Variants in MARCHF1 observed in about 807,000 individuals in gnomAD.
MARCHF1 encodes the protein membrane associated ring-CH-type finger 1, also known as E3 ubiquitin-protein ligase MARCHF1.
In MARCHF1, 40 loss-of-function variants were observed where a neutral mutation model predicts 54.2. The ratio of observed to expected loss-of-function variants is 0.74; its 90% CI spans 0.57 to 0.96. The LOEUF (loss-of-function observed/expected upper bound fraction) is 0.96, where lower values mean the gene tolerates loss of function less well. Ranked by LOEUF, MARCHF1 falls within the 40% of genes least tolerant of loss-of-function variation. The pLI is 0.00. For missense variants in MARCHF1, 586 were observed against 656.5 expected (o/e 0.89, Z 1.17); for synonymous variants, 236 against 236.3 (o/e 1.00, Z 0.01).
intron 1 of MARCHF1, among the ~76,000 whole-genome samples, chr4:164,187,353 T>G (rs762827208): frequency 2.0e-5 from 3 of 152,146 alleles, no homozygotes; most frequent in Non-Finnish European, 4.4e-5. Flanking sequence ...CAAGAAAATA[T>G]GAATAATGTC....
At chr4:163,945,709 A>T (rs568701003) in intron 3 of MARCHF1, among the ~76,000 whole-genome samples, 7 of 152,324 alleles carry the variant, frequency 4.6e-5, no homozygotes, top group African/African-American at 1.4e-4. Context: ...AGTAATCTTG[A>T]TATTTCAATG....
chr4:163,759,973 G>GT (rs1308344094), intron 4 of MARCHF1, among the ~76,000 whole-genome samples: 2 of 152,182 alleles, frequency 1.3e-5, no homozygotes, highest in South Asian at 2.1e-4. Context: ...AAATTTGCAA[G>GT]TAACTTGATG....
chr4:163,814,283 G>A (rs561931070), intron 4 of MARCHF1, among the ~76,000 whole-genome samples: 1 of 152,110 alleles, frequency 6.6e-6, no homozygotes, highest in East Asian at 1.9e-4. Context: ...TCCATACTCA[G>A]GTTGGTCCCC....
At chr4:164,315,524 G>C (rs377322011) in intron 1 of MARCHF1, among the ~76,000 whole-genome samples, 1 of 152,262 alleles carries the variant, frequency 6.6e-6, no homozygotes, top group South Asian at 2.1e-4. Flanking sequence ...GATGTACCCC[G>C]TATCACTGTC....
chr4:163,809,215 A>G (rs1748315002), intron 4 of MARCHF1, among the ~76,000 whole-genome samples: 1 of 152,190 alleles, frequency 6.6e-6, no homozygotes, highest in African/African-American at 2.4e-5. Context: ...AGTTTTAAAC[A>G]AGGGTCATAA....
At chr4:164,118,160 A>T (rs1755979123) in intron 1 of MARCHF1, among the ~76,000 whole-genome samples, 1 of 151,978 alleles carries the variant, frequency 6.6e-6, no homozygotes, top group Non-Finnish European at 1.5e-5. Flanking sequence ...TAATATTTTA[A>T]ATAAATACTT....
intron 4 of MARCHF1, among the ~76,000 whole-genome samples, chr4:163,720,182 T>C (rs1460811863): frequency 6.6e-6 from 1 of 152,234 alleles, no homozygotes; most frequent in East Asian, 1.9e-4. Context: ...AAGTCTTTAA[T>C]CCATCTTGAA....
At chr4:164,034,433 A>C (rs892660981) in intron 2 of MARCHF1, among the ~76,000 whole-genome samples, 1 of 152,182 alleles carries the variant, frequency 6.6e-6, no homozygotes, top group Non-Finnish European at 1.5e-5. Context: ...AAGAACTAAA[A>C]ATGTAACTAC....
intron 7 of MARCHF1, among the ~76,000 whole-genome samples, chr4:163,594,757 CAA>C (rs1491239973): frequency 9.4e-4 from 41 of 43,756 alleles, no homozygotes; most frequent in African/African-American, 1.5e-3. Flanking sequence ...TATCAAAACA[CAA>C]ACACACACAC....
intron 4 of MARCHF1, among the ~76,000 whole-genome samples, chr4:163,749,215 T>C (rs1403945318): frequency 1.5e-5 from 2 of 132,232 alleles, no homozygotes; most frequent in African/African-American, 5.3e-5. Flanking sequence ...TTTTTCTGAG[T>C]ATATAAACAT....
intron 3 of MARCHF1, among the ~76,000 whole-genome samples, chr4:163,926,436 C>T: frequency 6.6e-6 from 1 of 151,366 alleles, no homozygotes; most frequent in East Asian, 1.9e-4. Flanking sequence ...ACTAATATTG[C>T]TGCTAGGAAG....
chr4:163,704,971 C>G (rs559637653), intron 4 of MARCHF1, among the ~76,000 whole-genome samples: 1 of 150,998 alleles, frequency 6.6e-6, no homozygotes, highest in South Asian at 2.1e-4. Context: ...ATCATAGACA[C>G]AAAAAACTAT....
chr4:164,104,496 CA>C, intron 2 of MARCHF1, among the ~76,000 whole-genome samples: 1 of 35,886 alleles, frequency 2.8e-5, no homozygotes, highest in African/African-American at 6.7e-5. Context: ...AGCATATAAA[CA>C]GAGCCAAAGA....
At chr4:163,602,801 C>T (rs1024819798) in intron 7 of MARCHF1, among the ~76,000 whole-genome samples, 6 of 151,902 alleles carry the variant, frequency 3.9e-5, no homozygotes, top group Non-Finnish European at 8.8e-5. Flanking sequence ...ATGTCAGTCT[C>T]ATTTTTGTAC....
At chr4:164,082,119 TC>T (rs1272310556) in intron 2 of MARCHF1, among the ~76,000 whole-genome samples, 15 of 152,190 alleles carry the variant, frequency 9.9e-5, no homozygotes, top group Non-Finnish European at 2.2e-4. Context: ...CCCAAAGCCT[TC>T]TCCTGCCCAT....
intron 1 of MARCHF1, among the ~76,000 whole-genome samples, chr4:164,128,914 G>T (rs1756243244): frequency 6.6e-6 from 1 of 152,112 alleles, no homozygotes; most frequent in Non-Finnish European, 1.5e-5. Context: ...CACCCCAAGA[G>T]GTAGGCTCCC....
chr4:164,374,983 C>G (rs900507643), intron 1 of MARCHF1, among the ~76,000 whole-genome samples: 1 of 152,018 alleles, frequency 6.6e-6, no homozygotes, highest in Non-Finnish European at 1.5e-5. Context: ...ACTTTGGGTT[C>G]CATGAAAACA....
chr4:163,585,471 C>T (rs962421753), intron 8 of MARCHF1: 1 of 216,954 alleles, frequency 4.6e-6, no homozygotes, highest in Non-Finnish European at 9.1e-6. Flanking sequence ...CATGCATATA[C>T]ATATATATGT....
intron 1 of MARCHF1, among the ~76,000 whole-genome samples, chr4:164,141,090 C>T (rs10028466): frequency 6.6e-6 from 1 of 152,088 alleles, no homozygotes; most frequent in Non-Finnish European, 1.5e-5. Context: ...AGATCACTTG[C>T]TGACTTTATC....
Sources: gnomAD v4.1 joint callset for allele counts (sites outside exome capture counted in the v4.1 genomes callset) on GRCh38, gnomAD v4.1.1 for gene constraint, MANE v1.5 for transcripts, NCBI Gene and HGNC (gene_info 2026-07-23, HGNC 2026-07-21) for gene names.